OCRL: variants seen among roughly 807,000 people sequenced by gnomAD.
The protein encoded by OCRL is OCRL inositol polyphosphate-5-phosphatase.
A neutral mutation model predicts 78.9 loss-of-function variants in OCRL; 8 were observed. The ratio of observed to expected loss-of-function variants is 0.10; its 90% CI spans 0.06 to 0.18. The LOEUF is 0.18. Among genes scored for constraint, OCRL ranks in the 10% least tolerant of loss-of-function variants. OCRL has a pLI of 1.00. For synonymous variants in OCRL, 240 were observed against 235.4 expected (o/e 1.02, Z -0.18); for missense variants, 454 against 696.7 (o/e 0.65, Z 3.92).
intron 19 of OCRL, among the ~76,000 whole-genome samples, chrX:129,584,637 C>T (rs1405123313): frequency 1.8e-5 from 2 of 112,051 alleles, no homozygotes; most frequent in Admixed American, 9.5e-5. Flanking sequence ...ACTACAGAGC[C>T]GTCTTGATGT....
chrX:129,553,809 A>G (rs1462823022), intron 4 of OCRL, among the ~76,000 whole-genome samples: 2 of 111,905 alleles, frequency 1.8e-5, no homozygotes, highest in African/African-American at 3.2e-5. Context: ...AGATAGTAGT[A>G]GGAGACTGAT....
chrX:129,570,582 A>G (rs914912596), intron 15 of OCRL, among the ~76,000 whole-genome samples: 2 of 112,709 alleles, frequency 1.8e-5, no homozygotes, highest in African/African-American at 6.5e-5. Flanking sequence ...GTCTTAGAAT[A>G]GATTTTAAAT....
At chrX:129,564,832 T>G (rs1287513298) in intron 12 of OCRL, among the ~76,000 whole-genome samples, 1 of 110,740 alleles carries the variant, frequency 9.0e-6, no homozygotes, top group East Asian at 2.8e-4. Context: ...GTAACTAACC[T>G]GCACATTGTG....
In OCRL at chrX:129,562,646, C is replaced by T. The variant is rs1457897461; in HGVS notation, c.1104C>T (p.Thr368=). ...VAVRFVFHNT[T]FCIVNSHLAA... is the part of the protein sequence containing the mutation. ...TGAGATTTGTATTTCACAACACCACCTTTTGCATTGTCAATTCCCATCTGG... is the reference window on the plus strand; with the variant it reads ...TGAGATTTGTATTTCACAACACCACTTTTTGCATTGTCAATTCCCATCTGG... The change falls in exon 12 of 24, where the codon ACC becomes ACT. Residue 368 remains threonine, a synonymous_variant. Coordinates refer to ENST00000371113, the MANE Select transcript of OCRL (RefSeq NM_000276.4). The T allele has an allele frequency of 1.7e-6, 2 of 1,209,611 alleles. No individual in the cohort carries two copies. The highest frequency in any genetic ancestry group is 2.2e-6 in the Non-Finnish European group (2 of 894,856).
chrX:129,540,727 T>C lies in OCRL; in HGVS notation c.40-17T>C. 1 of 1,201,661 alleles carries C rather than the reference T, an allele frequency of 8.3e-7. No individual in the cohort carries two copies. Among genetic ancestry groups the C allele is most frequent in the Non-Finnish European group, 1.1e-6 (1 of 887,481 alleles). On this transcript the variant is annotated splice_polypyrimidine_tract_variant and intron_variant, in intron 1 of 23. Transcript: ENST00000371113. ...CCCACCGCGCTTCCGAAGGAGACCC[T>C]TGACTAGCGCCCGCATACTGTCGAG...
intron 19 of OCRL, among the ~76,000 whole-genome samples, chrX:129,585,189 A>G (rs1405806761): frequency 1.8e-5 from 2 of 112,602 alleles, no homozygotes; most frequent in African/African-American, 6.4e-5. Flanking sequence ...TAGACTTTGG[A>G]GACACAACTG....
At chrX:129,588,753 C>A in intron 21 of OCRL, 133 bp from the exon 22 acceptor site, 1 of 764,998 alleles carries the variant, frequency 1.3e-6, no homozygotes, top group Non-Finnish European at 2.0e-6. Context: ...AAATATCAAA[C>A]CCCCATTAGG....
At position 129,548,600 on chromosome X, in the gene OCRL, CAGTG is replaced by C; in HGVS notation, c.238+3_238+6del. On this transcript the variant is annotated splice_donor_variant and splice_donor_region_variant and coding_sequence_variant and intron_variant, in exon 4 of 24. Transcript: ENST00000371113. LOFTEE classifies it high-confidence loss of function. ...CTCTTTTGATTGACATAGCTTCTAA[CAGTG>C]AGTATCTTTCTGAATGTGCTTGATT... is the stretch of plus-strand genomic sequence containing the variant. 8.4e-7 allele frequency: 1 copy of C among 1,192,373 alleles called. No individual in the cohort carries two copies. Among genetic ancestry groups the C allele is most frequent in the Non-Finnish European group, 1.1e-6 (1 of 878,390 alleles).
intron 15 of OCRL, among the ~76,000 whole-genome samples, chrX:129,573,704 A>G (rs1358952778): frequency 1.8e-5 from 2 of 110,070 alleles, no homozygotes; most frequent in African/African-American, 6.6e-5. Flanking sequence ...ACAGGCACCC[A>G]CCACCATGCC....
At chrX:129,577,734 G>T (rs771946462) in intron 18 of OCRL, among the ~76,000 whole-genome samples, 2 of 111,967 alleles carry the variant, frequency 1.8e-5, no homozygotes, top group Admixed American at 1.9e-4. Flanking sequence ...TTTCCCCAGA[G>T]CCCTCATGAC....
At chrX:129,540,654 TG>T (rs369736288) in intron 1 of OCRL, 89 bp from the exon 2 acceptor site, 831 of 444,714 alleles carry the variant, frequency 1.9e-3, no homozygotes, top group African/African-American at 4.0e-3. Flanking sequence ...AGGGCGGCGG[TG>T]GGGGGGGGGT....
chrX:129,590,160 A>G lies in OCRL; in HGVS notation c.2596A>G (p.Ser866Gly), dbSNP rs759508945. Residue 866 changes from serine to glycine, a missense_variant, in exon 24 of 24, where the codon AGT becomes GGT. Physicochemically the swap from Ser to Gly is moderately conservative, Grantham distance 56. Coordinates refer to ENST00000371113, the MANE Select transcript of OCRL (RefSeq NM_000276.4). ...NANMIATLFT[S>G]LLLRPPPNLM... is the part of the protein sequence containing the mutation. ...TCGTCTTGTAGCTACTCTCTTCACT[A>G]GTCTTCTCCTGAGGCCTCCACCCAA... 4.1e-6 allele frequency: 5 copies of G among 1,211,287 alleles called. No individual in the cohort carries two copies. Among genetic ancestry groups the G allele is most frequent in the Non-Finnish European group, 5.6e-6 (5 of 895,323 alleles).
chrX:129,568,250 A>G (rs1009050724), intron 14 of OCRL, among the ~76,000 whole-genome samples: 1 of 110,989 alleles, frequency 9.0e-6, no homozygotes, highest in African/African-American at 3.3e-5. Context: ...CATCCTAGTA[A>G]AGTGCCCCCA....
chrX:129,575,845 A>T, intron 16 of OCRL, 52 bp from the exon 17 acceptor site: 1 of 1,173,158 alleles, frequency 8.5e-7, no homozygotes, highest in Non-Finnish European at 1.2e-6. Context: ...AATCCAACTG[A>T]CTTACTTCCC....
At chrX:129,569,846 T>TC (rs1178844768) in intron 15 of OCRL, among the ~76,000 whole-genome samples, 1 of 98,272 alleles carries the variant, frequency 1.0e-5, no homozygotes, top group East Asian at 3.2e-4. Context: ...TTTTCTTTTT[T>TC]TTTTTTTTTT....
rs756410458 is a variant in OCRL at position 129,588,275 on chromosome X, G to A, written c.2341+12G>A. The A allele has an allele frequency of 8.7e-6, 10 of 1,152,193 alleles. No homozygotes were observed. The highest frequency in any genetic ancestry group is 8.3e-6 in the Non-Finnish European group (7 of 841,152). 95.0% of individuals were successfully genotyped at this position (1,152,193 alleles called of 1,213,427 possible). A position where few individuals can be genotyped will look rare whatever the true frequency, so the allele number is the denominator to read the frequency against. ...TCCTGAGACAATCCGTATCCTTTGC[G>A]ACCAAAGCTTAAGAAGCTGGATGAG... On this transcript the variant is annotated intron_variant, in intron 21 of 23. Coordinates refer to ENST00000371113, the MANE Select transcript of OCRL (RefSeq NM_000276.4).
intron 14 of OCRL, 36 bp downstream of exon 14, chrX:129,567,399 A>G: frequency 1.0e-6 from 1 of 972,452 alleles, no homozygotes; most frequent in Non-Finnish European, 1.5e-6. Context: ...GAGAAGGTTA[A>G]GGCTTGATCT....
intron 4 of OCRL, 87 bp from the exon 5 acceptor site, chrX:129,557,238 T>C (rs1936066826): frequency 3.8e-6 from 3 of 784,803 alleles, no homozygotes; most frequent in Non-Finnish European, 5.8e-6. Flanking sequence ...CTGGACCTTC[T>C]TCTGTTAACC....
intron 10 of OCRL, 49 bp from the exon 11 acceptor site, chrX:129,562,335 C>T (rs138615196): frequency 7.3e-6 from 7 of 954,731 alleles, no homozygotes; most frequent in Non-Finnish European, 1.1e-5. Flanking sequence ...AGAAATGTGG[C>T]AAAGATTGGT....
Sources: gnomAD v4.1 joint callset for allele counts (sites outside exome capture counted in the v4.1 genomes callset) on GRCh38, gnomAD v4.1.1 for gene constraint, MANE v1.5 for transcripts, NCBI Gene and HGNC (gene_info 2026-07-23, HGNC 2026-07-21) for gene names.